Variants in P3H2 observed in about 807,000 individuals in gnomAD.
The protein encoded by P3H2 is leprecan-like 1.
Under a neutral mutation model 87.0 loss-of-function variants are expected in P3H2, and 80 were observed. The ratio of observed to expected loss-of-function variants is 0.92; its 90% CI spans 0.77 to 1.11. The LOEUF is 1.11. Among genes scored for constraint, P3H2 ranks in the 50% least tolerant of loss-of-function variants. P3H2 has a pLI of 0.00. For synonymous variants in P3H2, 367 were observed against 359.3 expected, an observed-to-expected ratio of 1.02 and a Z score of -0.24; for missense variants, 1,001 against 923.9, an observed-to-expected ratio of 1.08 and a Z score of -1.08.
intron 1 of P3H2, among the ~76,000 whole-genome samples, chr3:190,026,037 C>G: frequency 6.6e-6 from 1 of 151,952 alleles, no homozygotes; most frequent in Admixed American, 6.6e-5. Context: ...ATTTCTCGGG[C>G]CCTTGAAAAC....
Position 189,958,004 on chromosome 3 carries a change from C to G in P3H2, c.2035G>C (p.Glu679Gln). The G allele has an allele frequency of 6.2e-7, 1 of 1,611,666 alleles. No homozygotes were observed. Among genetic ancestry groups the G allele is most frequent in the Non-Finnish European group, 8.5e-7 (1 of 1,177,770 alleles). ...ATCACTTCATCAGCCTGTATTCGCT[C>G]CTGCAAAAAAGACAATTTACACATT... The part of the protein sequence containing the change: ...FTLDPLYREL[E>Q]RIQADEVIAI... The change falls in exon 15 of 15, where the codon GAG becomes CAG. Residue 679 changes from glutamate (E) to glutamine (Q), a missense_variant and splice_region_variant. Transcript: ENST00000319332.
chr3:189,980,707 G>A (rs1723507176), intron 8 of P3H2, among the ~76,000 whole-genome samples: 1 of 152,168 alleles, frequency 6.6e-6, no homozygotes, highest in Admixed American at 6.5e-5. Context: ...AAATATACTG[G>A]TTTTTATCCC....
intron 1 of P3H2, among the ~76,000 whole-genome samples, chr3:190,067,190 C>T (rs1216334414): frequency 6.6e-6 from 1 of 151,810 alleles, no homozygotes; most frequent in Non-Finnish European, 1.5e-5. Flanking sequence ...GTAGATGTCT[C>T]TACTATCAGA....
chr3:190,073,143 A>G (rs1358702914), intron 1 of P3H2, among the ~76,000 whole-genome samples: 1 of 152,324 alleles, frequency 6.6e-6, no homozygotes, highest in East Asian at 1.9e-4. Flanking sequence ...GAACAGATAC[A>G]CCTAATTTGG....
chr3:189,972,738 C>T (rs188095412), intron 11 of P3H2, 136 bp downstream of exon 11: 1 of 898,530 alleles, frequency 1.1e-6, no homozygotes, highest in East Asian at 2.6e-5. Context: ...AATAAGAGTT[C>T]ATAAGCTACT....
At chr3:190,032,727 G>C (rs753054973) in intron 1 of P3H2, among the ~76,000 whole-genome samples, 4 of 152,096 alleles carry the variant, frequency 2.6e-5, no homozygotes, top group Admixed American at 6.6e-5. Flanking sequence ...CACTGAGAAG[G>C]AATGTTCAAG....
intron 1 of P3H2, among the ~76,000 whole-genome samples, chr3:190,060,779 T>C (rs1049363958): frequency 6.6e-6 from 1 of 152,160 alleles, no homozygotes; most frequent in Non-Finnish European, 1.5e-5. Context: ...AATAAAAAAT[T>C]GATTGTAAAT....
chr3:189,975,200 C>T (rs1478015379), intron 8 of P3H2, among the ~76,000 whole-genome samples: 4 of 152,136 alleles, frequency 2.6e-5, no homozygotes, highest in Non-Finnish European at 5.9e-5. Context: ...ACACAACTGA[C>T]CCTAGGTTGT....
intron 2 of P3H2, 32 bp from the exon 3 acceptor site, chr3:189,994,315 A>G: frequency 6.7e-7 from 1 of 1,491,628 alleles, no homozygotes; most frequent in Non-Finnish European, 9.3e-7. Context: ...AAAACAAACA[A>G]ACAAACAAAC....
In P3H2 at chr3:190,066,234, A is replaced by G. The variant is rs7623383; in HGVS notation, c.480+54018T>C. On this transcript the variant is annotated intron_variant, in intron 1 of 14. Coordinates refer to ENST00000319332, the MANE Select transcript of P3H2 (RefSeq NM_018192.4). ...ATGGATATATACATGTGGCATATACATACATATATATGATGGAATATATAT... is the reference window on the plus strand; with the variant it reads ...ATGGATATATACATGTGGCATATACGTACATATATATGATGGAATATATAT... 5.7e-4 allele frequency among the ~76,000 whole-genome samples: 87 copies of G among 151,864 alleles called. 1 individual carries two copies. The highest frequency in any genetic ancestry group is 2.1e-3 in the African/African-American group (86 of 41,352).
intron 7 of P3H2, 58 bp downstream of exon 7, chr3:189,984,492 T>A: frequency 8.3e-7 from 1 of 1,207,284 alleles, no homozygotes; most frequent in Non-Finnish European, 1.2e-6. Context: ...CTATGATAGG[T>A]TATGACACTA....
chr3:190,041,257 A>G (rs1010677233), intron 1 of P3H2, among the ~76,000 whole-genome samples: 33 of 136,270 alleles, frequency 2.4e-4, no homozygotes, highest in Admixed American at 1.8e-3. Flanking sequence ...GGGCAACAAC[A>G]AAGTGATAAC....
intron 1 of P3H2, among the ~76,000 whole-genome samples, chr3:190,005,941 A>G (rs907595292): frequency 6.6e-6 from 1 of 152,236 alleles, no homozygotes; most frequent in Admixed American, 6.5e-5. Flanking sequence ...TGTTTCATAC[A>G]TTCCTCTGGC....
At chr3:190,073,095 T>C (rs1247263461) in intron 1 of P3H2, among the ~76,000 whole-genome samples, 1 of 152,198 alleles carries the variant, frequency 6.6e-6, no homozygotes, top group Non-Finnish European at 1.5e-5. Context: ...TTGTGATCAA[T>C]GTGGTGAAAA....
chr3:189,959,642 C>T (rs188748988), intron 14 of P3H2, among the ~76,000 whole-genome samples: 27 of 152,136 alleles, frequency 1.8e-4, no homozygotes, highest in Admixed American at 1.2e-3. Flanking sequence ...TTCCCTAATC[C>T]GATTCTGAAT....
chr3:190,019,791 T>G (rs200775048), intron 1 of P3H2, among the ~76,000 whole-genome samples: 1 of 43,480 alleles, frequency 2.3e-5, no homozygotes, highest in Non-Finnish European at 6.0e-5. Flanking sequence ...AAAAAATATA[T>G]ATATATATAT....
rs530789995 is a variant in P3H2, at chr3:190,011,657, G to A, written c.481-16215C>T. Among the ~76,000 whole-genome samples, 6 of 152,224 alleles carry A rather than the reference G, an allele frequency of 3.9e-5. No homozygotes were observed. The South Asian group carries it at 6.2e-4, about 16-fold the overall frequency. On this transcript the variant is annotated intron_variant, in intron 1 of 14. Transcript: ENST00000319332. ...GCCTGGGGAATGTCATCTTAATTTC[G>A]TCAAGCAGATTTTTTAAGACTCCAG...
chr3:189,971,236 C>T (rs1396126386), intron 12 of P3H2, among the ~76,000 whole-genome samples: 2 of 152,188 alleles, frequency 1.3e-5, no homozygotes, highest in South Asian at 2.1e-4. Context: ...TTATATAACT[C>T]TAAAGGATTT....
chr3:190,110,634 A>G (rs1033690956), intron 1 of P3H2, among the ~76,000 whole-genome samples: 3 of 152,224 alleles, frequency 2.0e-5, no homozygotes, highest in Non-Finnish European at 2.9e-5. Context: ...CTACTGGATT[A>G]GTCTTTGATA....
Sources: gnomAD v4.1 joint callset for allele counts (sites outside exome capture counted in the v4.1 genomes callset) on GRCh38, gnomAD v4.1.1 for gene constraint, MANE v1.5 for transcripts, NCBI Gene and HGNC (gene_info 2026-07-23, HGNC 2026-07-21) for gene names.